PDE9A: variants seen among roughly 807,000 people sequenced by gnomAD.
PDE9A encodes the protein phosphodiesterase 9A.
In PDE9A, 60 loss-of-function variants were observed where a neutral mutation model predicts 87.4. The observed-to-expected ratio is 0.69, with a 90% CI of 0.56 to 0.85. The LOEUF (loss-of-function observed/expected upper bound fraction) is 0.85, where lower values mean the gene tolerates loss of function less well. PDE9A is among the 40% of genes least tolerant of loss of function. The pLI is 0.00. For synonymous variants in PDE9A, 272 were observed against 279.4 expected (o/e 0.97, Z 0.27); for missense variants, 665 against 779.0 (o/e 0.85, Z 1.74).
chr21:42,707,017 G>A lies in PDE9A; in HGVS notation c.262+8006G>A, dbSNP rs571384133. Among the ~76,000 whole-genome samples the A allele has an allele frequency of 3.3e-5, 5 of 152,266 alleles. No individual in the cohort carries two copies. The South Asian group carries it at 6.2e-4, about 19-fold the overall frequency. On this transcript the variant is annotated intron_variant, in intron 4 of 19. Coordinates refer to ENST00000291539, the MANE Select transcript of PDE9A (RefSeq NM_002606.3). ...TGGCTGTGTCACGTGGCTACGTCAC[G>A]TTTGGTTGATCCGTTCATCAGCTGA...
At chr21:42,716,963 A>G (rs2049990551) in intron 4 of PDE9A, among the ~76,000 whole-genome samples, 1 of 150,530 alleles carries the variant, frequency 6.6e-6, no homozygotes, top group Non-Finnish European at 1.5e-5. Context: ...TCTTGGTCAG[A>G]CTGGTCTCGA....
intron 18 of PDE9A, among the ~76,000 whole-genome samples, chr21:42,772,026 G>A (rs57377108): frequency 0.14 from 21,423 of 152,106 alleles, 1,622 homozygotes; most frequent in African/African-American, 0.21. Flanking sequence ...AGCCCTGATG[G>A]CCTTGAGTCT....
chr21:42,719,626 T>C (rs943591779), intron 4 of PDE9A, among the ~76,000 whole-genome samples: 5 of 129,308 alleles, frequency 3.9e-5, no homozygotes, highest in African/African-American at 1.2e-4. Flanking sequence ...GGTGACAGAG[T>C]GAGAGTCTGT....
At chr21:42,677,618 C>T (rs942872809) in intron 1 of PDE9A, among the ~76,000 whole-genome samples, 5 of 151,942 alleles carry the variant, frequency 3.3e-5, no homozygotes, top group Non-Finnish European at 7.4e-5. Context: ...TCATGCTCAA[C>T]TCAAACCTCA....
chr21:42,735,151 G>A (rs1458853773), intron 7 of PDE9A, among the ~76,000 whole-genome samples: 4 of 152,314 alleles, frequency 2.6e-5, no homozygotes, highest in East Asian at 1.9e-4. Flanking sequence ...CCCAAATCCC[G>A]TGCAGAGCTG....
chr21:42,663,063 C>T (rs2057700781), intron 1 of PDE9A, among the ~76,000 whole-genome samples: 1 of 125,068 alleles, frequency 8.0e-6, no homozygotes, highest in East Asian at 2.1e-4. Flanking sequence ...ACACACCACA[C>T]TTACACACAT....
At position 42,705,418 on chromosome 21, in the gene PDE9A, C is replaced by T. The variant is rs185320348; in HGVS notation, c.262+6407C>T. Reference sequence around the variant, plus strand: ...ACAGATCTCAGCTGATGGCGGTTGACGGGTGTCCCCCGAGTGCCCTCGGCT... The same window carrying T: ...ACAGATCTCAGCTGATGGCGGTTGATGGGTGTCCCCCGAGTGCCCTCGGCT... On this transcript the variant is annotated intron_variant, in intron 4 of 19. Transcript: ENST00000291539. This position sits in a 1 kb window ranked among gnomAD's most constrained non-coding sequence, Gnocchi z 4.3. 1.8e-3 allele frequency among the ~76,000 whole-genome samples: 272 copies of T among 152,242 alleles called. No homozygotes were observed. Among genetic ancestry groups the T allele is most frequent in the African/African-American group, 6.3e-3 (263 of 41,562 alleles).
In PDE9A at chr21:42,692,313, G is replaced by T. The variant is rs144559579; in HGVS notation, c.218+4319G>T. Among the ~76,000 whole-genome samples the T allele has an allele frequency of 3.5e-4, 53 of 152,290 alleles. No homozygotes were observed. The East Asian group carries it at 8.3e-3, about 24-fold the overall frequency. ...TTTCTGGATGTCACCAGGGGTAAGG[G>T]CCTGCTACTTGTATCTGATGGGTGG... On this transcript the variant is annotated intron_variant, in intron 3 of 19. Coordinates refer to ENST00000291539, the MANE Select transcript of PDE9A (RefSeq NM_002606.3). The surrounding 1 kb of genome is among the most constrained non-coding windows in gnomAD (Gnocchi z 4.3).
At chr21:42,736,704 C>A (rs899444403) in intron 7 of PDE9A, among the ~76,000 whole-genome samples, 1 of 152,174 alleles carries the variant, frequency 6.6e-6, no homozygotes, top group African/African-American at 2.4e-5. Flanking sequence ...AAGGGAGGGG[C>A]TTGGGTGAGG....
chr21:42,699,364 G>A (rs1022788572), intron 4 of PDE9A, among the ~76,000 whole-genome samples: 1 of 152,152 alleles, frequency 6.6e-6, no homozygotes, highest in African/African-American at 2.4e-5. Flanking sequence ...GTCTGTCCCT[G>A]CCCCTCGGCC....
intron 2 of PDE9A, among the ~76,000 whole-genome samples, chr21:42,686,675 C>T (rs150213968): frequency 1.3e-5 from 2 of 152,224 alleles, no homozygotes; most frequent in East Asian, 1.9e-4. Flanking sequence ...ATTAGCCGGG[C>T]GTGGTGGCGA....
chr21:42,747,292 G>A (rs1406333591), intron 8 of PDE9A, among the ~76,000 whole-genome samples: 1 of 151,754 alleles, frequency 6.6e-6, no homozygotes, highest in Admixed American at 6.6e-5. Context: ...GGATGACTGG[G>A]GAGAGGAGCT....
rs1392458384 is a variant in PDE9A at position 42,670,477 on chromosome 21, C to T, written c.70-15715C>T. ...TCACACAGACTTGCACATAGACTTA[C>T]ACACATACACTTACACACGCACTCA... On this transcript the variant is annotated intron_variant, in intron 1 of 19. Coordinates refer to ENST00000291539, the MANE Select transcript of PDE9A (RefSeq NM_002606.3). Among the ~76,000 whole-genome samples, 8 of 151,876 alleles carry T rather than the reference C, an allele frequency of 5.3e-5. No individual in the cohort carries two copies. In the South Asian group the frequency reaches 1.5e-3, roughly 28 times the overall value.
chr21:42,750,952 G>A (rs2054355238), intron 8 of PDE9A, among the ~76,000 whole-genome samples, 164 bp from the exon 9 acceptor site: 1 of 152,090 alleles, frequency 6.6e-6, no homozygotes, highest in African/African-American at 2.4e-5. Flanking sequence ...CAGGTCATCA[G>A]GGATTTTGCT....
At chr21:42,769,252 C>T in intron 17 of PDE9A, 97 bp downstream of exon 17, 2 of 1,138,292 alleles carry the variant, frequency 1.8e-6, no homozygotes. Context: ...CACAGGTACA[C>T]ACAGACACAC....
intron 4 of PDE9A, among the ~76,000 whole-genome samples, chr21:42,721,982 C>CTT (rs11291213): frequency 7.5e-5 from 11 of 146,556 alleles, no homozygotes; most frequent in African/African-American, 2.8e-4. Context: ...TTTTTCTTTT[C>CTT]TTTTTTTTTT....
chr21:42,771,740 G>A (rs1483478150), intron 18 of PDE9A, among the ~76,000 whole-genome samples: 7 of 152,328 alleles, frequency 4.6e-5, no homozygotes, highest in Non-Finnish European at 1.0e-4. Flanking sequence ...TGACGGCCCC[G>A]TGCTCCCCAT....
intron 4 of PDE9A, among the ~76,000 whole-genome samples, chr21:42,717,760 C>T (rs2050091322): frequency 6.6e-6 from 1 of 151,428 alleles, no homozygotes; most frequent in South Asian, 2.1e-4. Flanking sequence ...TCTGCATTCA[C>T]AGTTTGTTTT....
Position 42,659,622 on chromosome 21 carries a change from C to G in PDE9A, c.69+5739C>G, listed in dbSNP as rs2057334948. Among the ~76,000 whole-genome samples, 1 of 152,356 alleles carries G rather than the reference C, an allele frequency of 6.6e-6. No individual in the cohort carries two copies. Among genetic ancestry groups the G allele is most frequent in the Admixed American group, 6.5e-5 (1 of 15,308 alleles). On this transcript the variant is annotated intron_variant, in intron 1 of 19. Coordinates refer to ENST00000291539, the MANE Select transcript of PDE9A (RefSeq NM_002606.3). The surrounding 1 kb of genome is among the most constrained non-coding windows in gnomAD (Gnocchi z 4.1). ...GCTTCTCTCATCCTGGACCCATCAG[C>G]CCGGAAGACTCTGGAAGCAGCAGTG...
Sources: allele counts gnomAD v4.1 joint callset (sites outside exome capture counted in the v4.1 genomes callset), GRCh38; gene constraint gnomAD v4.1.1; non-coding constraint Gnocchi (gnomAD v3.1); transcripts MANE v1.5; gene names NCBI Gene and HGNC (gene_info 2026-07-23, HGNC 2026-07-21).